NACC2: variants seen among roughly 807,000 people sequenced by gnomAD.
NACC2 encodes NACC family member 2, also known as nucleus accumbens-associated protein 2.
A neutral mutation model predicts 25.1 loss-of-function variants in NACC2; 8 were observed. The observed-to-expected ratio is 0.32, with a 90% confidence interval of 0.19 to 0.57. The LOEUF is 0.57. Ranked by LOEUF, NACC2 falls within the 20% of genes least tolerant of loss-of-function variation. The pLI, the probability that NACC2 is intolerant of heterozygous loss-of-function variation, is 0.89. For missense variants in NACC2, 644 were observed against 650.2 expected (o/e 0.99, Z 0.10); for synonymous variants, 435 against 294.7 (o/e 1.48, Z -4.88).
intron 1 of NACC2, among the ~76,000 whole-genome samples, chr9:136,075,522 T>A (rs761562203): frequency 3.3e-5 from 5 of 152,210 alleles, no homozygotes; most frequent in Non-Finnish European, 5.9e-5. Flanking sequence ...CTCAAACAGA[T>A]CGCGCAGCTG....
intron 2 of NACC2, among the ~76,000 whole-genome samples, chr9:136,017,015 G>A (rs1011133678): frequency 2.0e-5 from 3 of 152,144 alleles, no homozygotes; most frequent in African/African-American, 7.2e-5. Context: ...TCAGGGGCAA[G>A]GACACGGGGG....
intron 1 of NACC2, among the ~76,000 whole-genome samples, chr9:136,059,657 C>T (rs1040738048): frequency 6.6e-5 from 10 of 152,242 alleles, no homozygotes; most frequent in East Asian, 1.9e-4. Flanking sequence ...GACTTCCAGC[C>T]GGCCACGGGG....
At chr9:136,071,126 G>C (rs1038482368) in intron 1 of NACC2, among the ~76,000 whole-genome samples, 1 of 151,444 alleles carries the variant, frequency 6.6e-6, no homozygotes, top group Admixed American at 6.6e-5. Context: ...CCAGCTACTC[G>C]GGAGGTTGAG....
At chr9:136,090,632 C>T (rs1830424790) in intron 1 of NACC2, among the ~76,000 whole-genome samples, 1 of 152,226 alleles carries the variant, frequency 6.6e-6, no homozygotes. Context: ...TTCCAGCCTC[C>T]AGATTCCAAC....
In NACC2 at chr9:136,086,917, C is replaced by T. The variant is rs1830384051; in HGVS notation, c.-60+8272G>A. 1.3e-5 allele frequency among the ~76,000 whole-genome samples: 2 copies of T among 152,230 alleles called. No homozygotes were observed. Among genetic ancestry groups the T allele is most frequent in the South Asian group, 2.1e-4 (1 of 4,832 alleles). On this transcript the variant is annotated intron_variant, in intron 1 of 5. Transcript: ENST00000277554. This position sits in a 1 kb window ranked among gnomAD's most constrained non-coding sequence, Gnocchi z 5.6. ...GCTTTCTGCCCCTCCCACACCACAC[C>T]GGGGGTTCGCATCTACCTGACCCTT...
At chr9:136,016,850 G>A (rs976883871) in intron 2 of NACC2, among the ~76,000 whole-genome samples, 6 of 152,136 alleles carry the variant, frequency 3.9e-5, no homozygotes, top group African/African-American at 7.2e-5. Flanking sequence ...GATGGAGGAC[G>A]GCTTGGCAGG....
At chr9:136,085,153 TTTTTTTTTTTG>T (rs1333758815) in intron 1 of NACC2, among the ~76,000 whole-genome samples, 6 of 128,094 alleles carry the variant, frequency 4.7e-5, no homozygotes, top group South Asian at 2.8e-4. Context: ...TTTTTTTTTT[TTTTTTTTTTTG>T]GCGAGACTGA....
chr9:136,058,886 G>A (rs1840968758), intron 1 of NACC2, among the ~76,000 whole-genome samples: 1 of 152,216 alleles, frequency 6.6e-6, no homozygotes, highest in South Asian at 2.1e-4. Context: ...AGGGGCCGGG[G>A]CAGGATGGTC....
Position 136,011,807 on chromosome 9 carries a change from G to T in NACC2, c.1473C>A (p.Phe491Leu), listed in dbSNP as rs547797219. The T allele has an allele frequency of 1.3e-6, 2 of 1,579,892 alleles. No individual in the cohort carries two copies. Among genetic ancestry groups the T allele is most frequent in the African/African-American group, 2.7e-5 (2 of 73,982 alleles). ...PEFPPAAAQVFEQRIYAERRG... is the reference protein window; with the variant it reads ...PEFPPAAAQVLEQRIYAERRG... The stretch of plus-strand genomic sequence containing the variant: ...GCCGCTCGGCGTAGATGCGTTGCTC[G>T]AACACCTGTGCCGCGGCAGGCGGGA... Residue 491 changes from phenylalanine to leucine, a missense_variant, in exon 6 of 6, where the codon TTC becomes TTA. Transcript: ENST00000277554.
chr9:136,016,238 C>T (rs1470582571), intron 3 of NACC2, 27 bp downstream of exon 3: 5 of 1,611,602 alleles, frequency 3.1e-6, no homozygotes, highest in South Asian at 1.1e-5. Flanking sequence ...CATTTGCATA[C>T]AATAGATGGG....
chr9:136,032,457 A>G (rs1331510020), intron 2 of NACC2, among the ~76,000 whole-genome samples: 2 of 152,256 alleles, frequency 1.3e-5, no homozygotes, highest in African/African-American at 2.4e-5. Flanking sequence ...AGTAAGGCCT[A>G]GAGCAAACAT....
intron 1 of NACC2, among the ~76,000 whole-genome samples, chr9:136,080,779 C>T (rs774939416): frequency 2.0e-5 from 3 of 152,154 alleles, no homozygotes; most frequent in Non-Finnish European, 4.4e-5. Flanking sequence ...CAGACCCCAG[C>T]GGAGTCACTG....
chr9:136,026,968 C>A (rs963736964), intron 2 of NACC2, among the ~76,000 whole-genome samples: 1 of 152,206 alleles, frequency 6.6e-6, no homozygotes. Context: ...GTAGCTCATG[C>A]CTGTAATCCC....
At chr9:136,079,374 T>C (rs79105125) in intron 1 of NACC2, among the ~76,000 whole-genome samples, 36,488 of 152,158 alleles carry the variant, frequency 0.24, 4,571 homozygotes, top group East Asian at 0.44. Context: ...GAGACACTCC[T>C]ACAAGCACAG....
At position 136,086,484 on chromosome 9, in the gene NACC2, G is replaced by A. The variant is rs1430171267; in HGVS notation, c.-60+8705C>T. On this transcript the variant is annotated intron_variant, in intron 1 of 5. Transcript: ENST00000277554. The surrounding 1 kb of genome is among the most constrained non-coding windows in gnomAD (Gnocchi z 5.6). ...TTCCCTGAGGTCTGGCTTGGTGTGG[G>A]CCCCAGGGACGTCGCATGCCCCCAG... is the stretch of plus-strand genomic sequence containing the variant. Among the ~76,000 whole-genome samples the A allele has an allele frequency of 6.6e-6, 1 of 152,026 alleles. No individual in the cohort carries two copies. The highest frequency in any genetic ancestry group is 2.4e-5 in the African/African-American group (1 of 41,410).
intron 1 of NACC2, among the ~76,000 whole-genome samples, chr9:136,074,021 C>A (rs1188124956): frequency 6.6e-6 from 1 of 152,090 alleles, no homozygotes; most frequent in African/African-American, 2.4e-5. Context: ...AAATTAAGAT[C>A]TTGGCCGGGC....
intron 2 of NACC2, among the ~76,000 whole-genome samples, chr9:136,037,610 C>T (rs529636874): frequency 3.3e-4 from 50 of 151,624 alleles, no homozygotes; most frequent in African/African-American, 1.0e-3. Flanking sequence ...TAGGTTCAAG[C>T]GATTCTCCTG....
intron 1 of NACC2, among the ~76,000 whole-genome samples, chr9:136,088,075 C>T (rs1283615303): frequency 6.6e-6 from 1 of 152,182 alleles, no homozygotes; most frequent in Non-Finnish European, 1.5e-5. Context: ...ATCTCATGCA[C>T]GGAGGTCAGC....
At chr9:136,057,776 T>C (rs553754801) in intron 1 of NACC2, among the ~76,000 whole-genome samples, 68 of 152,056 alleles carry the variant, frequency 4.5e-4, no homozygotes, top group Non-Finnish European at 8.5e-4. Context: ...TCACCCCCTC[T>C]CTTGATGGCC....
Sources: gnomAD v4.1 joint callset for allele counts (sites outside exome capture counted in the v4.1 genomes callset) on GRCh38, gnomAD v4.1.1 for gene constraint, Gnocchi (gnomAD v3.1) non-coding constraint, MANE v1.5 for transcripts, NCBI Gene and HGNC (gene_info 2026-07-23, HGNC 2026-07-21) for gene names.